DAB1: variants seen among roughly 807,000 people sequenced by gnomAD.
DAB1 encodes disabled homolog 1.
DAB1 carries 15 observed loss-of-function variants against 64.6 expected under a neutral mutation model. That is an observed-to-expected ratio of 0.23 (90% CI 0.16 to 0.36). DAB1 has a LOEUF of 0.36. DAB1 is among the 10% of genes least tolerant of loss of function. DAB1 has a pLI of 1.00. For missense variants in DAB1, 596 were observed against 706.7 expected, an observed-to-expected ratio of 0.84 and a Z score of 1.78; for synonymous variants, 235 against 251.9, an observed-to-expected ratio of 0.93 and a Z score of 0.64.
At chr1:57,490,869 T>G (rs1644154196) in intron 7 of DAB1, among the ~76,000 whole-genome samples, 1 of 152,112 alleles carries the variant, frequency 6.6e-6, no homozygotes, top group Non-Finnish European at 1.5e-5. Flanking sequence ...AGTTTTGGAG[T>G]AATAACTATA....
chr1:57,343,790 A>G (rs1451900127), intron 1 of DAB1, among the ~76,000 whole-genome samples: 1 of 152,138 alleles, frequency 6.6e-6, no homozygotes, highest in Non-Finnish European at 1.5e-5. Context: ...ACGCCTCTCC[A>G]TCCACACCTC....
chr1:58,487,316 T>C (rs1376518262), intron 3 of DAB1, among the ~76,000 whole-genome samples: 3 of 152,242 alleles, frequency 2.0e-5, no homozygotes, highest in Non-Finnish European at 4.4e-5. Flanking sequence ...TAATAGCTTT[T>C]CTTTTATGAT....
intron 7 of DAB1, among the ~76,000 whole-genome samples, chr1:57,526,645 GCTGA>G (rs1434927663): frequency 6.6e-6 from 1 of 152,194 alleles, no homozygotes; most frequent in Non-Finnish European, 1.5e-5. Flanking sequence ...GAAAGTATTT[GCTGA>G]CTATCTACTA....
intron 4 of DAB1, among the ~76,000 whole-genome samples, chr1:58,292,678 C>T (rs77442688): frequency 1.8e-3 from 271 of 152,160 alleles, no homozygotes; most frequent in Admixed American, 7.8e-3. Flanking sequence ...AATATGTGCT[C>T]TCTGCATAGA....
chr1:57,537,774 AAGGAGCATCTG>A (rs1229616150), intron 7 of DAB1, among the ~76,000 whole-genome samples: 1 of 152,164 alleles, frequency 6.6e-6, no homozygotes, highest in African/African-American at 2.4e-5. Flanking sequence ...TGTTGCTATA[AAGGAGCATCTG>A]AGGCTGAGTA....
intron 4 of DAB1, among the ~76,000 whole-genome samples, chr1:58,249,634 G>A (rs958534489): frequency 9.2e-5 from 14 of 151,888 alleles, no homozygotes; most frequent in Admixed American, 8.5e-4. Flanking sequence ...CAAGACCACA[G>A]GACTGAACCC....
intron 7 of DAB1, among the ~76,000 whole-genome samples, chr1:57,577,338 G>A (rs1645262070): frequency 6.6e-6 from 1 of 151,968 alleles, no homozygotes; most frequent in African/African-American, 2.4e-5. Context: ...GAGAGGTTGG[G>A]AAACTAGTTG....
chr1:57,679,431 T>G (rs1646610698), intron 6 of DAB1, among the ~76,000 whole-genome samples: 2 of 152,156 alleles, frequency 1.3e-5, no homozygotes, highest in African/African-American at 4.8e-5. Flanking sequence ...TGGACAAGAT[T>G]GTAGGTAGAA....
chr1:57,374,696 C>T (rs1680759699), intron 1 of DAB1, among the ~76,000 whole-genome samples: 1 of 152,164 alleles, frequency 6.6e-6, no homozygotes, highest in African/African-American at 2.4e-5. Flanking sequence ...GCATGGGTAG[C>T]TCTAAACCCC....
At chr1:58,335,052 T>C (rs1299567704) in intron 4 of DAB1, among the ~76,000 whole-genome samples, 1 of 152,140 alleles carries the variant, frequency 6.6e-6, no homozygotes, top group Non-Finnish European at 1.5e-5. Context: ...GAATAAGTGC[T>C]ATAAAGAAAA....
chr1:58,461,983 C>T (rs1265794141), intron 3 of DAB1, among the ~76,000 whole-genome samples: 1 of 152,200 alleles, frequency 6.6e-6, no homozygotes, highest in East Asian at 1.9e-4. Flanking sequence ...ATGCTACAGT[C>T]TGGGTGCTAT....
chr1:57,023,763 G>T (rs1646697637), intron 10 of DAB1, 124 bp from the exon 11 acceptor site: 4 of 674,850 alleles, frequency 5.9e-6, no homozygotes, highest in Non-Finnish European at 1.1e-5. Flanking sequence ...CACTTATGGG[G>T]TGTGCAGCCC....
chr1:58,233,945 C>A (rs955948458), intron 4 of DAB1, among the ~76,000 whole-genome samples: 3 of 152,174 alleles, frequency 2.0e-5, no homozygotes, highest in African/African-American at 7.2e-5. Context: ...CAGTGATTGA[C>A]AACCAGTCTC....
At chr1:57,035,263 T>A in intron 9 of DAB1, among the ~76,000 whole-genome samples, 1 of 152,158 alleles carries the variant, frequency 6.6e-6, no homozygotes, top group East Asian at 1.9e-4. Context: ...TAACTTTTAA[T>A]AAAAACATTT....
chr1:57,929,836 T>C (rs188394992), intron 5 of DAB1, among the ~76,000 whole-genome samples: 6 of 152,200 alleles, frequency 3.9e-5, no homozygotes, highest in Admixed American at 6.5e-5. Context: ...ATTGGTTTGG[T>C]CTTGCAAGAG....
intron 4 of DAB1, among the ~76,000 whole-genome samples, chr1:57,121,117 G>T (rs12129764): frequency 7.1e-6 from 1 of 141,608 alleles, no homozygotes; most frequent in East Asian, 2.3e-4. Context: ...AAGAAGAAGA[G>T]GAAGAAGAAG....
chr1:58,538,702 TAAA>T, intron 1 of DAB1: 1 of 587,242 alleles, frequency 1.7e-6, no homozygotes, highest in Non-Finnish European at 2.9e-6. Context: ...GTTTTATAAA[TAAA>T]AAAATTAATT....
At chr1:58,127,203 T>C (rs1039570030) in intron 5 of DAB1, among the ~76,000 whole-genome samples, 5 of 152,294 alleles carry the variant, frequency 3.3e-5, no homozygotes, top group Non-Finnish European at 2.9e-5. Context: ...ATTTCTCTGA[T>C]GGCCAGTGAT....
At chr1:58,525,206 T>A (rs1646330741) in intron 2 of DAB1, among the ~76,000 whole-genome samples, 2 of 152,188 alleles carry the variant, frequency 1.3e-5, no homozygotes, top group Non-Finnish European at 2.9e-5. Context: ...TCATGACATA[T>A]CCTTTTCTTA....
Sources: gnomAD v4.1 joint callset for allele counts (sites outside exome capture counted in the v4.1 genomes callset) on GRCh38, gnomAD v4.1.1 for gene constraint, MANE v1.5 for transcripts, NCBI Gene and HGNC (gene_info 2026-07-23, HGNC 2026-07-21) for gene names.